The following LSM6 variants were observed in gnomAD, a reference collection of about 807,000 sequenced individuals.
The protein encoded by LSM6 is LSM6 homolog, U6 small nuclear RNA and mRNA degradation associated, also known as U6 snRNA-associated Sm-like protein LSm6.
In LSM6, 2 loss-of-function variants were observed where a neutral mutation model predicts 13.5. The ratio of observed to expected loss-of-function variants is 0.15; its 90% confidence interval spans 0.06 to 0.47. The LOEUF is 0.47. Ranked by LOEUF, LSM6 falls within the 20% of genes least tolerant of loss-of-function variation. LSM6 has a pLI of 0.97. For missense variants in LSM6, 58 were observed against 96.4 expected, an observed-to-expected ratio of 0.60 and a Z score of 1.67; for synonymous variants, 43 against 34.9, an observed-to-expected ratio of 1.23 and a Z score of -0.82.
At chr4:146,176,225 A>G (rs944033235) in intron 1 of LSM6, 1 of 152,270 alleles carries the variant, frequency 6.6e-6, no homozygotes, top group African/African-American at 2.4e-5. Flanking sequence ...ACCCAGGCCT[A>G]GGCTTCGCCT....
intron 3 of LSM6, among the ~76,000 whole-genome samples, chr4:146,188,148 G>A (rs1356836675): frequency 6.6e-6 from 1 of 152,122 alleles, no homozygotes; most frequent in Non-Finnish European, 1.5e-5. Flanking sequence ...ATAAGAGTCT[G>A]TCCCCTATGC....
intron 1 of LSM6, among the ~76,000 whole-genome samples, chr4:146,179,952 A>G (rs1730195877): frequency 6.6e-6 from 1 of 152,166 alleles, no homozygotes; most frequent in Non-Finnish European, 1.5e-5. Context: ...AGTTTGGGAA[A>G]CTGACCCAGA....
rs1246455103 is a variant in LSM6 at position 146,189,621 on chromosome 4, G to T, written c.209-1G>T. ...CAATTTATGTATTTTTTTCTTTTCA[G>T]TGTTGTACATCAGTACACAGAAGAG... On this transcript the variant is annotated splice_acceptor_variant, in intron 3 of 3. Transcript: ENST00000296581. LOFTEE classifies it high-confidence loss of function. 1 of 1,588,090 alleles carries T rather than the reference G, an allele frequency of 6.3e-7. No homozygotes were observed. The highest frequency in any genetic ancestry group is 8.6e-7 in the Non-Finnish European group (1 of 1,163,162).
intron 1 of LSM6, among the ~76,000 whole-genome samples, chr4:146,179,098 A>G: frequency 6.6e-6 from 1 of 152,258 alleles, no homozygotes; most frequent in East Asian, 1.9e-4. Flanking sequence ...GACAGAAAAT[A>G]TACTGCCTTT....
At chr4:146,177,128 T>C (rs929057560) in intron 1 of LSM6, among the ~76,000 whole-genome samples, 2 of 152,068 alleles carry the variant, frequency 1.3e-5, no homozygotes, top group Non-Finnish European at 1.5e-5. Context: ...AACTCCCTTA[T>C]ATTGCAGATG....
chr4:146,189,202 A>G (rs1730414028), intron 3 of LSM6, among the ~76,000 whole-genome samples: 1 of 152,168 alleles, frequency 6.6e-6, no homozygotes, highest in African/African-American at 2.4e-5. Context: ...CATGTTGCCC[A>G]GGCTGGTCTC....
At chr4:146,186,797 G>T (rs1730359439) in intron 2 of LSM6, among the ~76,000 whole-genome samples, 1 of 152,080 alleles carries the variant, frequency 6.6e-6, no homozygotes, top group African/African-American at 2.4e-5. Context: ...TTTAACCCTG[G>T]AGTACATTCA....
intron 1 of LSM6, chr4:146,176,814 T>A (rs1730120638): frequency 6.6e-6 from 1 of 152,112 alleles, no homozygotes; most frequent in Non-Finnish European, 1.5e-5. Context: ...TCCCAGATAG[T>A]GCTTTGATAA....
chr4:146,178,816 C>T (rs1246776303), intron 1 of LSM6, among the ~76,000 whole-genome samples: 1 of 152,172 alleles, frequency 6.6e-6, no homozygotes, highest in South Asian at 2.1e-4. Flanking sequence ...TTCTCACCGC[C>T]TCTATTGCGA....
At chr4:146,183,195 G>C (rs1049328945) in intron 2 of LSM6, 180 bp downstream of exon 2, 5 of 488,406 alleles carry the variant, frequency 1.0e-5, no homozygotes, top group African/African-American at 9.8e-5. Flanking sequence ...AACTCTGACA[G>C]TATAGCATGT....
At position 146,187,300 on chromosome 4, in the gene LSM6, A is replaced by G; in HGVS notation, c.121A>G (p.Met41Val). 2 of 1,613,430 alleles carry G rather than the reference A, an allele frequency of 1.2e-6. No homozygotes were observed. Among genetic ancestry groups the G allele is most frequent in the Non-Finnish European group, 8.5e-7 (1 of 1,179,382 alleles). The change falls in exon 3 of 4, where the codon ATG (methionine) becomes GTG (valine). Residue 41 changes from methionine to valine, a missense_variant. This residue lies in a region of LSM6 where 7 missense variants were observed against 36.3 expected (regional missense o/e 0.19). Coordinates refer to ENST00000296581, the MANE Select transcript of LSM6 (RefSeq NM_007080.3). The part of the protein sequence containing the change: ...RGVLACLDGY[M>V]NIALEQTEEY... Reference sequence around the variant, plus strand: ...GGTCCTGGCTTGCCTGGATGGCTACATGAATATAGCCCTGGAGCAGACAGA... The same window carrying G: ...GGTCCTGGCTTGCCTGGATGGCTACGTGAATATAGCCCTGGAGCAGACAGA...
At chr4:146,181,198 C>A (rs1031224166) in intron 1 of LSM6, 1 of 152,182 alleles carries the variant, frequency 6.6e-6, no homozygotes, top group African/African-American at 2.4e-5. Context: ...ACCTTGGGGG[C>A]AGTGTAGATT....
intron 3 of LSM6, among the ~76,000 whole-genome samples, chr4:146,189,122 T>C (rs764258263): frequency 4.6e-5 from 7 of 152,138 alleles, no homozygotes; most frequent in East Asian, 3.9e-4. Flanking sequence ...TCTAAGTCGC[T>C]GGGACTACAA....
chr4:146,181,421 C>A (rs1297734418), intron 1 of LSM6: 1 of 152,106 alleles, frequency 6.6e-6, no homozygotes, highest in Non-Finnish European at 1.5e-5. Flanking sequence ...TTTTGAATTT[C>A]CTTGCTCAGT....
rs984417071 is a variant in LSM6 at position 146,191,475 on chromosome 4, G to C, written c.*1819G>C. On this transcript the variant is annotated 3_prime_UTR_variant, in exon 4 of 4. Transcript: ENST00000296581. ...CAACCATGGAACTACTTTTAATCAA[G>C]ATCAACTTTGGGAAGTGCTGCCATT... 6.6e-6 allele frequency: 1 copy of C among 152,178 alleles called. No homozygotes were observed. Among genetic ancestry groups the C allele is most frequent in the African/African-American group, 2.4e-5 (1 of 41,424 alleles). 9.4% of individuals were successfully genotyped at this position (152,178 alleles called of 1,614,324 possible).
Position 146,182,950 on chromosome 4 carries a change from ACTT to A in LSM6, c.33_35del (p.Phe11del), listed in dbSNP as rs755606249. ...AGTCTTCGGAAGCAAACCCCTAGTG[ACTT>A]CTTAAAGCAAATCATCGGACGACCA... On this transcript the variant is annotated inframe_deletion, in exon 2 of 4. Coordinates refer to ENST00000296581, the MANE Select transcript of LSM6 (RefSeq NM_007080.3). The A allele has an allele frequency of 6.2e-7, 1 of 1,613,192 alleles. No homozygotes were observed. Among genetic ancestry groups the A allele is most frequent in the Non-Finnish European group, 8.5e-7 (1 of 1,179,244 alleles).
chr4:146,179,901 A>G (rs907961711), intron 1 of LSM6, among the ~76,000 whole-genome samples: 1 of 152,200 alleles, frequency 6.6e-6, no homozygotes, highest in South Asian at 2.1e-4. Context: ...CTCCTACCCC[A>G]GAACTACTGA....
At chr4:146,187,949 T>C (rs1453320495) in intron 3 of LSM6, among the ~76,000 whole-genome samples, 2 of 152,308 alleles carry the variant, frequency 1.3e-5, no homozygotes, top group African/African-American at 4.8e-5. Flanking sequence ...AATAAAGTCA[T>C]ATTTGTATTT....
chr4:146,188,709 C>T (rs1031323968), intron 3 of LSM6, among the ~76,000 whole-genome samples: 11 of 152,080 alleles, frequency 7.2e-5, no homozygotes, highest in Non-Finnish European at 1.6e-4. Context: ...ACACATCCTA[C>T]GAGTTCATGT....
Sources: gnomAD v4.1 joint callset for allele counts (sites outside exome capture counted in the v4.1 genomes callset) on GRCh38, gnomAD v4.1.1 for gene constraint, gnomAD v4.1.1 regional missense constraint, MANE v1.5 for transcripts, NCBI Gene and HGNC (gene_info 2026-07-23, HGNC 2026-07-21) for gene names.